FAF1: variants seen among roughly 807,000 people sequenced by gnomAD.
FAF1 encodes the protein Fas associated factor 1, also known as FAS-associated factor 1.
FAF1 carries 25 observed loss-of-function variants against 92.5 expected under a neutral mutation model. That is an observed-to-expected ratio of 0.27 (90% CI 0.20 to 0.38). The LOEUF is 0.38. FAF1 is among the 10% of genes least tolerant of loss of function. The pLI, the probability that FAF1 is intolerant of heterozygous loss-of-function variation, is 1.00. For synonymous variants in FAF1, 234 were observed against 273.2 expected, an observed-to-expected ratio of 0.86 and a Z score of 1.42; for missense variants, 636 against 793.3, an observed-to-expected ratio of 0.80 and a Z score of 2.38.
chr1:50,739,058 ATCTTTT>A (rs1659257512), intron 5 of FAF1, 104 bp from the exon 6 acceptor site: 1 of 725,656 alleles, frequency 1.4e-6, no homozygotes, highest in South Asian at 2.1e-5. Flanking sequence ...AGTTTTTTTT[ATCTTTT>A]GATAATTTCC....
At chr1:50,794,077 A>G (rs899663714) in intron 3 of FAF1, among the ~76,000 whole-genome samples, 4 of 152,244 alleles carry the variant, frequency 2.6e-5, no homozygotes, top group Admixed American at 2.0e-4. Flanking sequence ...TCAAATAAGG[A>G]AAACTAAACC....
intron 5 of FAF1, among the ~76,000 whole-genome samples, chr1:50,739,394 T>TACATATACATA (rs1557502937): frequency 0.014 from 1,767 of 126,786 alleles, 34 homozygotes; most frequent in African/African-American, 0.055. Flanking sequence ...ATATGTGTGT[T>TACATATACATA]TATGTGTATG....
intron 12 of FAF1, among the ~76,000 whole-genome samples, chr1:50,574,903 T>G (rs1198324609): frequency 2.2e-4 from 27 of 124,980 alleles, no homozygotes; most frequent in African/African-American, 8.2e-4. Context: ...TAACTCTTTT[T>G]TTTTTTTTTT....
intron 8 of FAF1, among the ~76,000 whole-genome samples, chr1:50,639,468 C>T (rs1218618874): frequency 1.3e-5 from 2 of 152,178 alleles, no homozygotes; most frequent in African/African-American, 2.4e-5. Flanking sequence ...GGACCTTATT[C>T]ACCTGATTGT....
chr1:50,652,105 G>A (rs181567984), intron 8 of FAF1, among the ~76,000 whole-genome samples: 11 of 152,272 alleles, frequency 7.2e-5, no homozygotes, highest in African/African-American at 2.4e-4. Flanking sequence ...CCACTTCACA[G>A]GTTCTGGGAC....
intron 1 of FAF1, among the ~76,000 whole-genome samples, chr1:50,900,049 C>G (rs890512874): frequency 1.3e-4 from 20 of 152,136 alleles, no homozygotes; most frequent in Admixed American, 1.3e-3. Flanking sequence ...TTTACTTTTT[C>G]TTCATTTTTT....
At chr1:50,775,063 T>A (rs186845024) in intron 4 of FAF1, among the ~76,000 whole-genome samples, 44 of 152,128 alleles carry the variant, frequency 2.9e-4, no homozygotes, top group Non-Finnish European at 6.2e-4. Context: ...TGATTGAGCA[T>A]CTCTTTGCAT....
chr1:50,882,985 C>CAA (rs536859878), intron 1 of FAF1, among the ~76,000 whole-genome samples: 110 of 67,230 alleles, frequency 1.6e-3, no homozygotes, highest in South Asian at 8.2e-3. Flanking sequence ...CTCTTGTCTC[C>CAA]AAAAAAAAAA....
intron 12 of FAF1, among the ~76,000 whole-genome samples, chr1:50,581,412 C>T (rs1274411426): frequency 6.6e-6 from 1 of 152,042 alleles, no homozygotes; most frequent in African/African-American, 2.4e-5. Context: ...AACTCCTTGC[C>T]CTCTTTAATT....
Position 50,583,860 on chromosome 1 carries a change from A to T in FAF1, c.968-145T>A. 1.9e-6 allele frequency: 1 copy of T among 517,980 alleles called. No homozygotes were observed. The highest frequency in any genetic ancestry group is 3.4e-6 in the Non-Finnish European group (1 of 292,472). 32.1% of individuals were successfully genotyped at this position (517,980 alleles called of 1,614,324 possible). A position where few individuals can be genotyped will look rare whatever the true frequency, so the allele number is the denominator to read the frequency against. On this transcript the variant is annotated intron_variant, in intron 10 of 18. Coordinates refer to ENST00000396153, the MANE Select transcript of FAF1 (RefSeq NM_007051.3). This position sits in a 1 kb window ranked among gnomAD's most constrained non-coding sequence, Gnocchi z 4.2. ...AAAATTAAATTTTAGCTTCTGTGATATATCTGAGGGGATAGTTTAACTCAA... is the reference window on the plus strand; with the variant it reads ...AAAATTAAATTTTAGCTTCTGTGATTTATCTGAGGGGATAGTTTAACTCAA...
rs114553539 is a variant in FAF1, at chr1:50,885,693, A to G, written c.46-27696T>C. Among the ~76,000 whole-genome samples the G allele has an allele frequency of 1.6e-3, 243 of 152,300 alleles. 4 individuals are homozygous for G. Among genetic ancestry groups the G allele is most frequent in the Non-Finnish European group, 1.4e-3 (93 of 68,026 alleles). On this transcript the variant is annotated intron_variant, in intron 1 of 18. Coordinates refer to ENST00000396153, the MANE Select transcript of FAF1 (RefSeq NM_007051.3). Reference sequence around the variant, plus strand: ...CCATTTATATTCAATGTTACCATGAATAAGTAAAGATTTACTCCTGCCATT... The same window carrying G: ...CCATTTATATTCAATGTTACCATGAGTAAGTAAAGATTTACTCCTGCCATT...
At chr1:50,580,085 C>T (rs535386351) in intron 12 of FAF1, among the ~76,000 whole-genome samples, 2 of 152,134 alleles carry the variant, frequency 1.3e-5, no homozygotes, top group South Asian at 4.1e-4. Flanking sequence ...AATAAATATA[C>T]AGTATACCCT....
intron 1 of FAF1, among the ~76,000 whole-genome samples, chr1:50,887,082 T>G (rs953161280): frequency 1.3e-5 from 2 of 152,248 alleles, no homozygotes; most frequent in Non-Finnish European, 2.9e-5. Context: ...CTAACTGGTG[T>G]GAGATGGTAT....
At chr1:50,863,788 C>T (rs1644455735) in intron 1 of FAF1, among the ~76,000 whole-genome samples, 1 of 151,940 alleles carries the variant, frequency 6.6e-6, no homozygotes, top group South Asian at 2.1e-4. Context: ...GTACCAGTTC[C>T]TCCTTGTACC....
intron 8 of FAF1, among the ~76,000 whole-genome samples, chr1:50,638,370 T>C (rs1381373581): frequency 1.3e-5 from 2 of 152,158 alleles, no homozygotes; most frequent in Non-Finnish European, 2.9e-5. Context: ...TGAACATCCT[T>C]ACATCATTTC....
chr1:50,821,978 A>G (rs1644047597), intron 2 of FAF1, among the ~76,000 whole-genome samples: 1 of 152,080 alleles, frequency 6.6e-6, no homozygotes, highest in African/African-American at 2.4e-5. Flanking sequence ...AGACCAAAGC[A>G]GAAGAAAAGT....
At position 50,539,821 on chromosome 1, in the gene FAF1, G is replaced by T. The variant is rs187940364; in HGVS notation, c.1269-93C>A. On this transcript the variant is annotated intron_variant, in intron 13 of 18. Coordinates refer to ENST00000396153, the MANE Select transcript of FAF1 (RefSeq NM_007051.3). Reference sequence around the variant, plus strand: ...AAGAACTCATTGTGTTATTAGTTATGTTAAATTAGACAGCCTGCCTGATAT... The same window carrying T: ...AAGAACTCATTGTGTTATTAGTTATTTTAAATTAGACAGCCTGCCTGATAT... 106 of 881,300 alleles carry T rather than the reference G, an allele frequency of 1.2e-4. No individual in the cohort carries two copies. In the East Asian group the frequency reaches 2.5e-3, roughly 20 times the overall value. 54.6% of individuals were successfully genotyped at this position (881,300 alleles called of 1,614,324 possible). A position where few individuals can be genotyped will look rare whatever the true frequency, so the allele number is the denominator to read the frequency against.
intron 6 of FAF1, among the ~76,000 whole-genome samples, chr1:50,719,628 G>C (rs1658325659): frequency 1.3e-5 from 2 of 152,112 alleles, no homozygotes; most frequent in Admixed American, 1.3e-4. Flanking sequence ...GTGATATATT[G>C]TGATGCATCA....
At chr1:50,532,781 T>C (rs1648248035) in intron 15 of FAF1, among the ~76,000 whole-genome samples, 1 of 152,188 alleles carries the variant, frequency 6.6e-6, no homozygotes, top group Non-Finnish European at 1.5e-5. Context: ...TTGGGTTTCA[T>C]TTTTTAAAAA....
Sources: gnomAD v4.1 joint callset for allele counts (sites outside exome capture counted in the v4.1 genomes callset) on GRCh38, gnomAD v4.1.1 for gene constraint, Gnocchi (gnomAD v3.1) non-coding constraint, MANE v1.5 for transcripts, NCBI Gene and HGNC (gene_info 2026-07-23, HGNC 2026-07-21) for gene names.